HMCN1: variants seen among roughly 807,000 people sequenced by gnomAD.
The protein encoded by HMCN1 is hemicentin-1.
In HMCN1, 321 loss-of-function variants were observed where a neutral mutation model predicts 625.9. The ratio of observed to expected loss-of-function variants is 0.51; its 90% confidence interval spans 0.47 to 0.56. The LOEUF (loss-of-function observed/expected upper bound fraction) is 0.56. HMCN1 is among the 20% of genes least tolerant of loss of function. HMCN1 has a pLI of 0.00. For missense variants in HMCN1, 6,588 were observed against 6,887.3 expected, an observed-to-expected ratio of 0.96 and a Z score of 1.54; for synonymous variants, 2,425 against 2,417.6, an observed-to-expected ratio of 1.00 and a Z score of -0.09.
At chr1:186,015,555 T>C (rs1214353892) in intron 31 of HMCN1, 118 bp downstream of exon 31, 2 of 980,672 alleles carry the variant, frequency 2.0e-6, no homozygotes, top group Non-Finnish European at 3.2e-6. Flanking sequence ...TATGCATGGA[T>C]AGGAATTGGA....
At chr1:185,977,014 C>T (rs1047380778) in intron 15 of HMCN1, among the ~76,000 whole-genome samples, 2 of 151,924 alleles carry the variant, frequency 1.3e-5, no homozygotes, top group African/African-American at 4.8e-5. Flanking sequence ...AACAGGATTC[C>T]TATGTTTTCC....
intron 14 of HMCN1, among the ~76,000 whole-genome samples, chr1:185,967,114 C>A (rs1029256716): frequency 6.6e-6 from 1 of 152,092 alleles, no homozygotes; most frequent in Admixed American, 6.6e-5. Flanking sequence ...TTAAATATAT[C>A]AAGAAAATAT....
rs535692919 is a variant in HMCN1 at position 186,145,031 on chromosome 1, C to T, written c.14266+328C>T. On this transcript the variant is annotated intron_variant, in intron 91 of 106. Coordinates refer to ENST00000271588, the MANE Select transcript of HMCN1 (RefSeq NM_031935.3). ...CTCTCTGCCTTAGTGCCGTCATCAA[C>T]CTGGATTTTTAGACCCTTGCAGCAA... is the stretch of plus-strand genomic sequence containing the variant. Among the ~76,000 whole-genome samples the T allele has an allele frequency of 2.6e-5, 4 of 152,338 alleles. No homozygotes were observed. The East Asian group carries it at 7.7e-4, about 29-fold the overall frequency.
At chr1:186,120,416 A>G (rs560178046) in intron 80 of HMCN1, among the ~76,000 whole-genome samples, 3 of 152,196 alleles carry the variant, frequency 2.0e-5, no homozygotes, top group Non-Finnish European at 2.9e-5. Flanking sequence ...TCATTATAGC[A>G]TATGTATGAT....
At chr1:185,965,315 A>G (rs1303963086) in intron 13 of HMCN1, among the ~76,000 whole-genome samples, 3 of 152,112 alleles carry the variant, frequency 2.0e-5, no homozygotes, top group Admixed American at 2.0e-4. Context: ...AGACATGAAT[A>G]TCCTTAAAAT....
intron 95 of HMCN1, among the ~76,000 whole-genome samples, chr1:186,152,543 A>G (rs935007320): frequency 4.6e-5 from 7 of 152,216 alleles, no homozygotes; most frequent in African/African-American, 1.7e-4. Context: ...CATTTTTGCT[A>G]CATAAAAAGA....
intron 1 of HMCN1, among the ~76,000 whole-genome samples, chr1:185,840,287 T>G (rs944256372): frequency 2.6e-4 from 39 of 152,216 alleles, no homozygotes; most frequent in African/African-American, 8.9e-4. Context: ...ATTAATTTTT[T>G]AATTCAGAAA....
intron 14 of HMCN1, among the ~76,000 whole-genome samples, chr1:185,968,519 C>T (rs937919703): frequency 4.9e-4 from 74 of 151,118 alleles, no homozygotes; most frequent in African/African-American, 1.7e-3. Flanking sequence ...ACATAATCCA[C>T]ATAAAAATTC....
chr1:186,144,042 C>T, intron 89 of HMCN1, 131 bp from the exon 90 acceptor site: 1 of 747,296 alleles, frequency 1.3e-6, no homozygotes, highest in East Asian at 2.7e-5. Flanking sequence ...TGTTATGTTT[C>T]ATTTGGTTCA....
rs539732602 is a variant in HMCN1 at position 186,012,526 on chromosome 1, T to G, written c.4631-2633T>G. 3.3e-5 allele frequency among the ~76,000 whole-genome samples: 5 copies of G among 152,214 alleles called. No individual in the cohort carries two copies. In the South Asian group the frequency reaches 8.3e-4, roughly 25 times the overall value. On this transcript the variant is annotated intron_variant, in intron 30 of 106. Transcript: ENST00000271588. The stretch of plus-strand genomic sequence containing the variant: ...GGAAAAAGTTGTCTTAAAAAAAAAT[T>G]TACTATTGATGTTGCTCCCAGTGTT...
chr1:186,181,647 T>TA (rs1221511863), intron 104 of HMCN1, among the ~76,000 whole-genome samples: 1 of 152,118 alleles, frequency 6.6e-6, no homozygotes, highest in South Asian at 2.1e-4. Flanking sequence ...GTCACAAAAA[T>TA]AAAAAACATT....
intron 4 of HMCN1, among the ~76,000 whole-genome samples, chr1:185,875,432 G>T (rs1239345467): frequency 6.6e-6 from 1 of 152,038 alleles, no homozygotes; most frequent in African/African-American, 2.4e-5. Flanking sequence ...AATCTCTGAG[G>T]AGAGGGATCA....
Position 186,088,823 on chromosome 1 carries a change from A to G in HMCN1, c.9727+68A>G, listed in dbSNP as rs759318754. 5 of 1,439,072 alleles carry G rather than the reference A, an allele frequency of 3.5e-6. No individual in the cohort carries two copies. In the Admixed American group the frequency reaches 9.6e-5, roughly 28 times the overall value. The allele number at this position is 1,439,072 out of a possible 1,614,324, so 89.1% of individuals were successfully genotyped here. A position where few individuals can be genotyped will look rare whatever the true frequency, so the allele number is the denominator to read the frequency against. On this transcript the variant is annotated intron_variant, in intron 63 of 106. Coordinates refer to ENST00000271588, the MANE Select transcript of HMCN1 (RefSeq NM_031935.3). The stretch of plus-strand genomic sequence containing the variant: ...TTCCATTTATAGTACAAAATAATCT[A>G]CATTTAAAGGTATCAGTAGTAATTG...
intron 1 of HMCN1, among the ~76,000 whole-genome samples, chr1:185,842,565 A>C (rs997296896): frequency 2.0e-5 from 3 of 151,398 alleles, no homozygotes; most frequent in Admixed American, 2.0e-4. Flanking sequence ...CCCTGTCTCA[A>C]CAAAAAATAA....
At chr1:185,770,919 T>C (rs1352857991) in intron 1 of HMCN1, among the ~76,000 whole-genome samples, 1 of 152,168 alleles carries the variant, frequency 6.6e-6, no homozygotes, top group Non-Finnish European at 1.5e-5. Context: ...TCATCTCCAG[T>C]GCTCGCATTA....
At chr1:186,163,121 C>G (rs1651626899) in intron 97 of HMCN1, among the ~76,000 whole-genome samples, 1 of 152,214 alleles carries the variant, frequency 6.6e-6, no homozygotes, top group Non-Finnish European at 1.5e-5. Flanking sequence ...GCGGGCGCCC[C>G]TCCCCCAGCC....
At position 186,136,919 on chromosome 1, in the gene HMCN1, G is replaced by C. The variant is rs1649641500; in HGVS notation, c.13564G>C (p.Val4522Leu). 1.2e-6 allele frequency: 2 copies of C among 1,613,654 alleles called. No homozygotes were observed. The highest frequency in any genetic ancestry group is 2.7e-5 in the African/African-American group (2 of 74,876). The change falls in exon 87 of 107, where the codon GTG becomes CTG. Residue 4522 changes from valine (V) to leucine (L), a missense_variant. Physicochemically the swap from Val to Leu is conservative, Grantham distance 32 (BLOSUM62 1). Coordinates refer to ENST00000271588, the MANE Select transcript of HMCN1 (RefSeq NM_031935.3). ...RNLMGSVLVRVPVIVQVHGGF... is the reference protein window; with the variant it reads ...RNLMGSVLVRLPVIVQVHGGF... ...CTTAATGGGTTCTGTCCTTGTCAGA[G>C]TGCCAGTCATAGTCCAGGGTGAGTG...
chr1:185,738,713 C>T (rs887091132), intron 1 of HMCN1, among the ~76,000 whole-genome samples: 19 of 152,078 alleles, frequency 1.2e-4, no homozygotes, highest in Non-Finnish European at 1.8e-4. Context: ...CCAACCTCCT[C>T]AATACACTAC....
At chr1:186,141,990 G>GT (rs1482938088) in intron 89 of HMCN1, among the ~76,000 whole-genome samples, 1 of 152,082 alleles carries the variant, frequency 6.6e-6, no homozygotes, top group Non-Finnish European at 1.5e-5. Flanking sequence ...TCCCTCTGTA[G>GT]TTTTTTAATA....
Sources: gnomAD v4.1 joint callset for allele counts (sites outside exome capture counted in the v4.1 genomes callset) on GRCh38, gnomAD v4.1.1 for gene constraint, MANE v1.5 for transcripts, NCBI Gene and HGNC (gene_info 2026-07-23, HGNC 2026-07-21) for gene names.